GRIP1: variants seen among roughly 807,000 people sequenced by gnomAD.
GRIP1 encodes the protein glutamate receptor-interacting protein 1.
Under a neutral mutation model 129.9 loss-of-function variants are expected in GRIP1, and 45 were observed. That is an observed-to-expected ratio of 0.35 (90% CI 0.27 to 0.44). The LOEUF (loss-of-function observed/expected upper bound fraction) is 0.44, where lower values mean the gene tolerates loss of function less well. Among genes scored for constraint, GRIP1 ranks in the 20% least tolerant of loss-of-function variants. The pLI is 1.00. For synonymous variants in GRIP1, 530 were observed against 520.8 expected (o/e 1.02, Z -0.24); for missense variants, 1,196 against 1,396.8 (o/e 0.86, Z 2.29).
chr12:66,634,368 T>C (rs2031147911), intron 1 of GRIP1, among the ~76,000 whole-genome samples: 1 of 152,214 alleles, frequency 6.6e-6, no homozygotes, highest in South Asian at 2.1e-4. Context: ...GCAATTTTAG[T>C]GCTTTACTTT....
At chr12:66,860,407 T>C (rs2040091236) in intron 1 of GRIP1, among the ~76,000 whole-genome samples, 1 of 152,096 alleles carries the variant, frequency 6.6e-6, no homozygotes, top group South Asian at 2.1e-4. Flanking sequence ...TAGCCCCTTT[T>C]TGAAAGTGTG....
chr12:66,902,618 C>T (rs575227873), intron 1 of GRIP1, among the ~76,000 whole-genome samples: 4 of 152,224 alleles, frequency 2.6e-5, no homozygotes, highest in South Asian at 4.1e-4. Context: ...TAGGCCACTT[C>T]GGAATATTGC....
At chr12:66,862,271 C>G (rs532096204) in intron 1 of GRIP1, among the ~76,000 whole-genome samples, 1 of 152,104 alleles carries the variant, frequency 6.6e-6, no homozygotes, top group South Asian at 2.1e-4. Context: ...AATAAAGTAT[C>G]TTATAGGTAC....
chr12:67,030,450 C>T (rs771633304), intron 1 of GRIP1, among the ~76,000 whole-genome samples: 1 of 151,996 alleles, frequency 6.6e-6, no homozygotes, highest in Non-Finnish European at 1.5e-5. Flanking sequence ...GAGGTCTGTA[C>T]AAGAAAGATC....
intron 16 of GRIP1, among the ~76,000 whole-genome samples, chr12:66,398,034 C>G (rs2056859015): frequency 6.6e-6 from 1 of 152,140 alleles, no homozygotes; most frequent in Admixed American, 6.5e-5. Context: ...CCCGTCTGCC[C>G]ACAAGACAAG....
chr12:66,962,419 A>C (rs149772051), intron 1 of GRIP1, among the ~76,000 whole-genome samples: 307 of 152,280 alleles, frequency 2.0e-3, no homozygotes, highest in African/African-American at 6.9e-3. Flanking sequence ...AGTCTTTTAC[A>C]GGCCCTGACT....
At chr12:66,857,124 C>CA (rs1310533301) in intron 1 of GRIP1, among the ~76,000 whole-genome samples, 1 of 146,222 alleles carries the variant, frequency 6.8e-6, no homozygotes, top group Non-Finnish European at 1.5e-5. Context: ...GTTGCAAGGA[C>CA]AAAAAACCAA....
At chr12:66,634,875 A>G (rs1231178288) in intron 1 of GRIP1, among the ~76,000 whole-genome samples, 1 of 152,236 alleles carries the variant, frequency 6.6e-6, no homozygotes, top group Admixed American at 6.5e-5. Context: ...TGCTTTCTAC[A>G]TAACCCACAT....
intron 1 of GRIP1, among the ~76,000 whole-genome samples, chr12:67,008,620 A>C (rs1194331092): frequency 3.3e-5 from 5 of 152,180 alleles, no homozygotes; most frequent in African/African-American, 1.2e-4. Flanking sequence ...TGTGACCTTG[A>C]GCAAGTTACT....
intron 1 of GRIP1, among the ~76,000 whole-genome samples, chr12:66,849,386 T>C (rs115570752): frequency 5.7e-4 from 87 of 152,326 alleles, no homozygotes; most frequent in African/African-American, 2.0e-3. Context: ...AAACATCCTT[T>C]TTATTATCTA....
At chr12:66,717,610 T>C (rs12822026) in intron 1 of GRIP1, among the ~76,000 whole-genome samples, 482 of 152,298 alleles carry the variant, frequency 3.2e-3, no homozygotes, top group Non-Finnish European at 5.7e-3. Flanking sequence ...ATTAGTGCCG[T>C]TGAAAAGAGA....
At chr12:66,987,862 G>A (rs1198878790) in intron 1 of GRIP1, among the ~76,000 whole-genome samples, 1 of 152,142 alleles carries the variant, frequency 6.6e-6, no homozygotes, top group African/African-American at 2.4e-5. Context: ...GGAATGCCCG[G>A]TCAACAGCAC....
At chr12:66,876,345 A>G (rs937511415) in intron 1 of GRIP1, among the ~76,000 whole-genome samples, 1 of 152,008 alleles carries the variant, frequency 6.6e-6, no homozygotes, top group Non-Finnish European at 1.5e-5. Context: ...AGCACTTTAT[A>G]CTCATTTTCT....
At chr12:66,748,297 G>A (rs558580645) in intron 1 of GRIP1, among the ~76,000 whole-genome samples, 19 of 152,308 alleles carry the variant, frequency 1.2e-4, no homozygotes, top group African/African-American at 3.4e-4. Context: ...GATTGCATGC[G>A]TGAGCCACCA....
At chr12:66,814,589 TAAAA>T (rs79461500) in intron 1 of GRIP1, among the ~76,000 whole-genome samples, 3 of 108,414 alleles carry the variant, frequency 2.8e-5, no homozygotes, top group African/African-American at 3.5e-5. Context: ...AGTGATACCA[TAAAA>T]AAAAAAAAAA....
intron 23 of GRIP1, among the ~76,000 whole-genome samples, chr12:66,370,637 A>C (rs1303842501): frequency 6.6e-6 from 1 of 152,218 alleles, no homozygotes; most frequent in Admixed American, 6.5e-5. Context: ...CTTGGTTCTC[A>C]AGAAAGATGG....
intron 5 of GRIP1, among the ~76,000 whole-genome samples, chr12:66,524,759 T>A (rs1270297244): frequency 6.6e-6 from 1 of 151,958 alleles, no homozygotes; most frequent in Non-Finnish European, 1.5e-5. Flanking sequence ...TTTGAAAAGA[T>A]CAACAAAATT....
chr12:66,440,503 C>A (rs914548898), intron 13 of GRIP1, among the ~76,000 whole-genome samples: 2 of 152,200 alleles, frequency 1.3e-5, no homozygotes, highest in Non-Finnish European at 2.9e-5. Context: ...TTTCTACTCT[C>A]TGTCTCCAGG....
intron 1 of GRIP1, among the ~76,000 whole-genome samples, chr12:66,796,192 A>G (rs1164037896): frequency 1.3e-5 from 2 of 152,104 alleles, no homozygotes; most frequent in African/African-American, 4.8e-5. Flanking sequence ...TCCAGTAACT[A>G]TGTCCCCTTT....
Sources: gnomAD v4.1 joint callset for allele counts (sites outside exome capture counted in the v4.1 genomes callset) on GRCh38, gnomAD v4.1.1 for gene constraint, MANE v1.5 for transcripts, NCBI Gene and HGNC (gene_info 2026-07-23, HGNC 2026-07-21) for gene names.